The following CPNE4 variants were observed in gnomAD, a reference collection of about 807,000 sequenced individuals.
CPNE4 encodes copine-4.
A neutral mutation model predicts 67.9 loss-of-function variants in CPNE4; 25 were observed. That is an observed-to-expected ratio of 0.37 (90% CI 0.27 to 0.51). The LOEUF (loss-of-function observed/expected upper bound fraction) is 0.51, where lower values mean the gene tolerates loss of function less well. Among genes scored for constraint, CPNE4 ranks in the 20% least tolerant of loss-of-function variants. The pLI, the probability that CPNE4 is intolerant of heterozygous loss-of-function variation, is 0.93. For missense variants in CPNE4, 464 were observed against 690.8 expected (o/e 0.67, Z 3.68); for synonymous variants, 242 against 244.9 (o/e 0.99, Z 0.11).
At chr3:131,945,608 C>A (rs577804173) in intron 1 of CPNE4, among the ~76,000 whole-genome samples, 1 of 152,238 alleles carries the variant, frequency 6.6e-6, no homozygotes, top group African/African-American at 2.4e-5. Flanking sequence ...AACCTTCTTC[C>A]TTCCTCTCTC....
chr3:131,907,164 C>T (rs956015476), intron 1 of CPNE4, among the ~76,000 whole-genome samples: 11 of 152,110 alleles, frequency 7.2e-5, no homozygotes, highest in Non-Finnish European at 8.8e-5. Flanking sequence ...CCCAGTGATC[C>T]ACCAGAGGCC....
intron 1 of CPNE4, among the ~76,000 whole-genome samples, chr3:131,963,833 C>T (rs769722813): frequency 6.6e-6 from 1 of 152,218 alleles, no homozygotes; most frequent in African/African-American, 2.4e-5. Flanking sequence ...TTCCTGCCTG[C>T]TGGCTCTGAA....
intron 13 of CPNE4, among the ~76,000 whole-genome samples, chr3:131,550,553 C>T (rs1936115745): frequency 6.6e-6 from 1 of 152,080 alleles, no homozygotes; most frequent in Non-Finnish European, 1.5e-5. Context: ...TCCACACGAT[C>T]TTGTTGACTC....
chr3:131,585,879 G>A (rs1014510898), intron 8 of CPNE4, among the ~76,000 whole-genome samples: 1 of 152,134 alleles, frequency 6.6e-6, no homozygotes, highest in African/African-American at 2.4e-5. Context: ...GATGGTCTCT[G>A]GGTGTTTGAC....
intron 3 of CPNE4, 72 bp from the exon 4 acceptor site, chr3:131,700,052 ACCT>A: frequency 1.6e-6 from 1 of 644,002 alleles, no homozygotes; most frequent in Non-Finnish European, 2.3e-6. Flanking sequence ...TATTTTTTAA[ACCT>A]TTTTTTTTTT....
chr3:131,844,845 T>C (rs991407219), intron 2 of CPNE4, among the ~76,000 whole-genome samples: 1 of 152,188 alleles, frequency 6.6e-6, no homozygotes, highest in African/African-American at 2.4e-5. Context: ...TCTTTCTCTT[T>C]TGAAGTTCTT....
At chr3:131,546,498 C>T (rs566411956) in intron 14 of CPNE4, among the ~76,000 whole-genome samples, 1 of 152,256 alleles carries the variant, frequency 6.6e-6, no homozygotes, top group African/African-American at 2.4e-5. Context: ...TTAGAGATAA[C>T]AAGGGACTCT....
At chr3:131,795,521 A>G (rs938241) in intron 2 of CPNE4, among the ~76,000 whole-genome samples, 14,120 of 152,168 alleles carry the variant, frequency 0.093, 831 homozygotes, top group East Asian at 0.17. Flanking sequence ...AGACTCTACC[A>G]CTGATATCAA....
intron 11 of CPNE4, among the ~76,000 whole-genome samples, chr3:131,563,738 T>C (rs770039919): frequency 1.3e-5 from 2 of 152,064 alleles, no homozygotes; most frequent in African/African-American, 2.4e-5. Context: ...TACAAATTAC[T>C]TAACCTCCTG....
At chr3:131,905,834 CA>C (rs1291137598) in intron 1 of CPNE4, among the ~76,000 whole-genome samples, 1 of 152,140 alleles carries the variant, frequency 6.6e-6, no homozygotes, top group African/African-American at 2.4e-5. Flanking sequence ...AATCACATCT[CA>C]AGTTTTCAAG....
chr3:131,608,352 A>T (rs1939627138), intron 7 of CPNE4, among the ~76,000 whole-genome samples: 1 of 152,160 alleles, frequency 6.6e-6, no homozygotes, highest in Non-Finnish European at 1.5e-5. Flanking sequence ...AGTGGATAGC[A>T]ATCTGACTGA....
At chr3:131,850,972 C>T (rs2086217614) in intron 2 of CPNE4, among the ~76,000 whole-genome samples, 1 of 152,072 alleles carries the variant, frequency 6.6e-6, no homozygotes, top group African/African-American at 2.4e-5. Context: ...AATTCTACCT[C>T]CTCCCACTTC....
chr3:131,700,795 G>A (rs2081278598), intron 3 of CPNE4, among the ~76,000 whole-genome samples: 1 of 152,052 alleles, frequency 6.6e-6, no homozygotes, highest in Non-Finnish European at 1.5e-5. Context: ...ACATGCACAT[G>A]TATGTTTATT....
chr3:132,025,676 A>G (rs1006898429), intron 1 of CPNE4, among the ~76,000 whole-genome samples: 1 of 152,224 alleles, frequency 6.6e-6, no homozygotes, highest in African/African-American at 2.4e-5. Context: ...TAAAGGTTGC[A>G]ATTTGAGTAA....
intron 6 of CPNE4, among the ~76,000 whole-genome samples, chr3:131,673,961 C>A (rs1047198870): frequency 2.6e-5 from 4 of 151,822 alleles, no homozygotes; most frequent in African/African-American, 9.7e-5. Flanking sequence ...TTGTATATGG[C>A]TTTTGTTGTG....
intron 4 of CPNE4, among the ~76,000 whole-genome samples, chr3:131,699,099 T>C (rs754441740): frequency 7.2e-5 from 11 of 152,260 alleles, no homozygotes; most frequent in Non-Finnish European, 1.3e-4. Flanking sequence ...ATCCAAATGG[T>C]TGGACAACAT....
chr3:131,975,276 G>C (rs578115501), intron 1 of CPNE4, among the ~76,000 whole-genome samples: 1 of 152,096 alleles, frequency 6.6e-6, no homozygotes, highest in Non-Finnish European at 1.5e-5. Context: ...AACAGGAAGC[G>C]ATAAGAAAGT....
At chr3:132,020,815 G>A (rs6780953) in intron 1 of CPNE4, among the ~76,000 whole-genome samples, 3 of 151,980 alleles carry the variant, frequency 2.0e-5, no homozygotes, top group Admixed American at 2.0e-4. Context: ...GCCCCGCACA[G>A]CTGGAACATG....
intron 13 of CPNE4, among the ~76,000 whole-genome samples, chr3:131,550,769 G>A (rs984729517): frequency 2.0e-5 from 3 of 152,096 alleles, no homozygotes; most frequent in African/African-American, 7.2e-5. Flanking sequence ...TGGGCACTGA[G>A]TACAGATAAG....
Sources: allele counts gnomAD v4.1 joint callset (sites outside exome capture counted in the v4.1 genomes callset), GRCh38; gene constraint gnomAD v4.1.1; transcripts MANE v1.5; gene names NCBI Gene and HGNC (gene_info 2026-07-23, HGNC 2026-07-21).